The following MAP2 variants were observed in gnomAD, a reference collection of about 807,000 sequenced individuals.
The protein encoded by MAP2 is microtubule associated protein 2.
Under a neutral mutation model 137.6 loss-of-function variants are expected in MAP2, and 14 were observed. The ratio of observed to expected loss-of-function variants is 0.10; its 90% confidence interval spans 0.07 to 0.16. MAP2 has a LOEUF of 0.16. Ranked by LOEUF, MAP2 falls within the 10% of genes least tolerant of loss-of-function variation. The pLI, the probability that MAP2 is intolerant of heterozygous loss-of-function variation, is 1.00. For missense variants in MAP2, 2,088 were observed against 2,191.5 expected (o/e 0.95, Z 0.94); for synonymous variants, 786 against 782.3 (o/e 1.00, Z -0.08).
intron 2 of MAP2, among the ~76,000 whole-genome samples, chr2:209,565,973 A>G (rs576619454): frequency 2.6e-5 from 4 of 152,336 alleles, no homozygotes; most frequent in South Asian, 2.1e-4. Context: ...CAAGCATTCA[A>G]TCTAGGGAAG....
intron 1 of MAP2, among the ~76,000 whole-genome samples, chr2:209,484,695 A>G (rs1200645205): frequency 6.6e-6 from 1 of 152,162 alleles, no homozygotes. Flanking sequence ...ATCACAAACA[A>G]ACAAACAAAC....
chr2:209,454,833 G>T (rs1319474743), intron 1 of MAP2, among the ~76,000 whole-genome samples: 1 of 152,144 alleles, frequency 6.6e-6, no homozygotes, highest in African/African-American at 2.4e-5. Context: ...CTCTGTCTTA[G>T]TCAACTTTGG....
rs1411939545 is a variant in MAP2, at chr2:209,692,927, C to A, written c.757C>A (p.Pro253Thr). The A allele has an allele frequency of 1.2e-6, 2 of 1,613,890 alleles. No homozygotes were observed. The highest frequency in any genetic ancestry group is 8.5e-7 in the Non-Finnish European group (1 of 1,179,974). ...PSLVVPGIDL[P>T]KEPPTPKEQK... The stretch of plus-strand genomic sequence containing the variant: ...CCTTGTAGTACCTGGCATTGACCTC[C>A]CTAAAGAGCCTCCAACTCCAAAAGA... The change falls in exon 8 of 16, where the codon CCT (proline) becomes ACT (threonine). Residue 253 changes from proline to threonine, a missense_variant. Physicochemically the swap from Pro to Thr is conservative, Grantham distance 38. This residue lies in a region of MAP2 where 859 missense variants were observed against 794.5 expected (regional missense o/e 1.08). Coordinates refer to ENST00000682079, the MANE Select transcript of MAP2 (RefSeq NM_001375505.1).
At chr2:209,505,382 C>T (rs1015038073) in intron 1 of MAP2, among the ~76,000 whole-genome samples, 2 of 152,064 alleles carry the variant, frequency 1.3e-5, no homozygotes, top group Admixed American at 6.6e-5. Flanking sequence ...GGATTTTTGC[C>T]TGTTGAATAC....
intron 3 of MAP2, among the ~76,000 whole-genome samples, chr2:209,616,351 T>C (rs192106744): frequency 6.6e-6 from 1 of 152,380 alleles, no homozygotes; most frequent in East Asian, 1.9e-4. Context: ...ACACAGCCAG[T>C]AAGTGTTCAA....
chr2:209,465,872 A>G (rs1704011635), intron 1 of MAP2, among the ~76,000 whole-genome samples: 2 of 152,184 alleles, frequency 1.3e-5, no homozygotes, highest in South Asian at 4.1e-4. Context: ...TTCCAAAAGC[A>G]CTGTGATGGT....
chr2:209,519,709 T>C (rs1370866825), intron 2 of MAP2, among the ~76,000 whole-genome samples: 2 of 152,076 alleles, frequency 1.3e-5, no homozygotes, highest in Non-Finnish European at 2.9e-5. Context: ...GGTATATTTG[T>C]CCTTACAGTG....
At chr2:209,554,867 T>C (rs572575562) in intron 2 of MAP2, among the ~76,000 whole-genome samples, 50 of 148,666 alleles carry the variant, frequency 3.4e-4, no homozygotes, top group Non-Finnish European at 5.3e-4. Flanking sequence ...AACTATCTGA[T>C]AAATATTATA....
intron 4 of MAP2, among the ~76,000 whole-genome samples, chr2:209,644,318 A>T (rs1319030867): frequency 6.6e-6 from 1 of 152,156 alleles, no homozygotes; most frequent in Non-Finnish European, 1.5e-5. Flanking sequence ...ACAGATTTAG[A>T]AATGTTTTTA....
intron 13 of MAP2, among the ~76,000 whole-genome samples, chr2:209,717,320 A>G (rs1390839652): frequency 6.6e-6 from 1 of 152,112 alleles, no homozygotes; most frequent in East Asian, 1.9e-4. Context: ...AGTTCCACAC[A>G]CTTTTAAATC....
chr2:209,639,983 G>T (rs1310466153), intron 4 of MAP2, among the ~76,000 whole-genome samples: 1 of 151,882 alleles, frequency 6.6e-6, no homozygotes, highest in Non-Finnish European at 1.5e-5. Context: ...TGCTCATTTT[G>T]GTATCTTTCT....
intron 1 of MAP2, among the ~76,000 whole-genome samples, chr2:209,431,171 C>A (rs1481259760): frequency 6.6e-6 from 1 of 151,766 alleles, no homozygotes; most frequent in Non-Finnish European, 1.5e-5. Context: ...TAGTCGCTTC[C>A]CAAATGGTAT....
At chr2:209,670,941 C>A (rs1387076509) in intron 5 of MAP2, among the ~76,000 whole-genome samples, 1 of 151,898 alleles carries the variant, frequency 6.6e-6, no homozygotes. Flanking sequence ...CTAAGAATAG[C>A]TCCATTGTCT....
chr2:209,693,718 A>G lies in MAP2; in HGVS notation c.1548A>G (p.Thr516=), dbSNP rs765986409. The change falls in exon 8 of 16, where the codon ACA becomes ACG. Residue 516 remains threonine, a synonymous_variant. Coordinates refer to ENST00000682079, the MANE Select transcript of MAP2 (RefSeq NM_001375505.1). The part of the protein sequence containing the change: ...AVTDSAMTSK[T]LEKAMTEPSA... ...CAGATTCAGCCATGACCTCTAAAACACTGGAGAAAGCCATGACCGAACCAT... is the reference window on the plus strand; with the variant it reads ...CAGATTCAGCCATGACCTCTAAAACGCTGGAGAAAGCCATGACCGAACCAT... The G allele has an allele frequency of 3.7e-6, 6 of 1,613,194 alleles. No individual in the cohort carries two copies. Among genetic ancestry groups the G allele is most frequent in the South Asian group, 1.1e-5 (1 of 90,872 alleles).
At chr2:209,639,653 C>T (rs1410643287) in intron 4 of MAP2, among the ~76,000 whole-genome samples, 1 of 152,124 alleles carries the variant, frequency 6.6e-6, no homozygotes, top group African/African-American at 2.4e-5. Flanking sequence ...GCAGGCATGG[C>T]TCACCACATC....
At chr2:209,669,180 T>C (rs1375949902) in intron 5 of MAP2, among the ~76,000 whole-genome samples, 1 of 152,062 alleles carries the variant, frequency 6.6e-6, no homozygotes, top group Non-Finnish European at 1.5e-5. Flanking sequence ...GCAGATAAGG[T>C]TGATGATTGC....
chr2:209,516,767 G>A (rs1435320188), intron 2 of MAP2, among the ~76,000 whole-genome samples: 1 of 152,070 alleles, frequency 6.6e-6, no homozygotes, highest in Non-Finnish European at 1.5e-5. Flanking sequence ...ACAGGGGGAT[G>A]ATTTGTGCAC....
At chr2:209,536,473 G>T (rs1050661877) in intron 2 of MAP2, among the ~76,000 whole-genome samples, 1 of 152,196 alleles carries the variant, frequency 6.6e-6, no homozygotes, top group African/African-American at 2.4e-5. Context: ...TTCAGTCACA[G>T]CAGTCTTCCA....
chr2:209,708,364 A>G (rs979467626), intron 12 of MAP2, among the ~76,000 whole-genome samples: 1 of 152,162 alleles, frequency 6.6e-6, no homozygotes, highest in African/African-American at 2.4e-5. Context: ...GAGTCTAACT[A>G]TCTTGTGCCC....
Sources: gnomAD v4.1 joint callset for allele counts (sites outside exome capture counted in the v4.1 genomes callset) on GRCh38, gnomAD v4.1.1 for gene constraint, gnomAD v4.1.1 regional missense constraint, MANE v1.5 for transcripts, NCBI Gene and HGNC (gene_info 2026-07-23, HGNC 2026-07-21) for gene names.